EXTL3: variants seen among roughly 807,000 people sequenced by gnomAD.
The protein encoded by EXTL3 is exostosin like glycosyltransferase 3.
Under a neutral mutation model 69.3 loss-of-function variants are expected in EXTL3, and 27 were observed. The ratio of observed to expected loss-of-function variants is 0.39; its 90% CI spans 0.29 to 0.54. The LOEUF is 0.54. Ranked by LOEUF, EXTL3 falls within the 20% of genes least tolerant of loss-of-function variation. The pLI, the probability that EXTL3 is intolerant of heterozygous loss-of-function variation, is 0.69. For missense variants in EXTL3, 1,003 were observed against 1,231.8 expected (o/e 0.81, Z 2.78); for synonymous variants, 511 against 499.4 (o/e 1.02, Z -0.31).
At chr8:28,705,715 GTTAGA>G (rs1363575202) in intron 1 of EXTL3, among the ~76,000 whole-genome samples, 3 of 152,224 alleles carry the variant, frequency 2.0e-5, no homozygotes, top group Admixed American at 6.5e-5. Context: ...AGCGAAAACC[GTTAGA>G]TTAGTTTATA....
In EXTL3 at chr8:28,671,302, G is replaced by GT. The variant is rs1198284012; in HGVS notation, c.-52-42149dup. Among the ~76,000 whole-genome samples, 185 of 100,888 alleles carry GT rather than the reference G, an allele frequency of 1.8e-3. 1 individual carries two copies. Among genetic ancestry groups the GT allele is most frequent in the African/African-American group, 6.0e-3 (149 of 24,702 alleles). 66.2% of individuals were successfully genotyped at this position (100,888 alleles called of 152,430 possible). A position where few individuals can be genotyped will look rare whatever the true frequency, so the allele number is the denominator to read the frequency against. ...TGGCCTAATTTTATTTTTATGTTTT[G>GT]TTTTTTGTTTTTTTTTTTTTTTTTT... On this transcript the variant is annotated intron_variant, in intron 1 of 6. Coordinates refer to the EXTL3 transcript ENST00000523149.
chr8:28,672,284 G>A (rs921542037), intron 1 of EXTL3, among the ~76,000 whole-genome samples: 9 of 151,826 alleles, frequency 5.9e-5, no homozygotes, highest in African/African-American at 1.9e-4. Flanking sequence ...CGGGCATGGT[G>A]GTGGGCACCT....
intron 1 of EXTL3, among the ~76,000 whole-genome samples, chr8:28,630,449 G>A (rs183597383): frequency 6.6e-6 from 1 of 152,158 alleles, no homozygotes; most frequent in African/African-American, 2.4e-5. Flanking sequence ...GCTCCCAGGA[G>A]AGTTGAGTTG....
intron 1 of EXTL3, among the ~76,000 whole-genome samples, chr8:28,642,084 C>T (rs2130585633): frequency 6.6e-6 from 1 of 152,248 alleles, no homozygotes; most frequent in African/African-American, 2.4e-5. Context: ...ATCCGCCCGC[C>T]TCAGCCTCCC....
At chr8:28,674,585 C>T (rs1444139509) in intron 1 of EXTL3, among the ~76,000 whole-genome samples, 2 of 152,188 alleles carry the variant, frequency 1.3e-5, no homozygotes, top group Non-Finnish European at 2.9e-5. Flanking sequence ...AAGTCAAATG[C>T]AGAACCTCAT....
chr8:28,701,867 G>A (rs879291006), intron 1 of EXTL3, among the ~76,000 whole-genome samples: 128 of 152,214 alleles, frequency 8.4e-4, no homozygotes, highest in African/African-American at 3.1e-3. Context: ...GGGGCCCGGG[G>A]AGAGGCCGCC....
At chr8:28,713,928 T>C (rs1801085032) in intron 2 of EXTL3, among the ~76,000 whole-genome samples, 1 of 137,872 alleles carries the variant, frequency 7.3e-6, no homozygotes, top group Non-Finnish European at 1.5e-5. Context: ...TTTTTTGAGA[T>C]GGTATTTCAC....
chr8:28,672,817 C>T (rs558624451), intron 1 of EXTL3, among the ~76,000 whole-genome samples: 1 of 152,254 alleles, frequency 6.6e-6, no homozygotes, highest in East Asian at 1.9e-4. Context: ...GGCTGTGTCC[C>T]CATCCAAATC....
intron 1 of EXTL3, among the ~76,000 whole-genome samples, chr8:28,636,331 C>CAAAA (rs377313297): frequency 8.6e-6 from 1 of 115,938 alleles, no homozygotes; most frequent in Non-Finnish European, 1.8e-5. Context: ...GACTCCATCT[C>CAAAA]AAAAAAAAAA....
intron 1 of EXTL3, among the ~76,000 whole-genome samples, chr8:28,685,064 G>A (rs1423365695): frequency 7.2e-6 from 1 of 139,562 alleles, no homozygotes; most frequent in Non-Finnish European, 1.6e-5. Flanking sequence ...CGATTCTCCT[G>A]CCTCAGCCTC....
intron 1 of EXTL3, among the ~76,000 whole-genome samples, chr8:28,635,701 A>T (rs1243354121): frequency 2.1e-5 from 3 of 140,550 alleles, no homozygotes; most frequent in Admixed American, 7.1e-5. Context: ...ACATAGTGAG[A>T]CCCCCCCACA....
chr8:28,737,470 A>T (rs766825267), intron 4 of EXTL3, 49 bp from the exon 5 acceptor site: 3 of 1,609,524 alleles, frequency 1.9e-6, no homozygotes, highest in Non-Finnish European at 2.6e-6. Flanking sequence ...ACTTCTGATG[A>T]CCCTAGAGCT....
intron 1 of EXTL3, among the ~76,000 whole-genome samples, chr8:28,649,825 T>C (rs1422103021): frequency 2.0e-5 from 3 of 151,486 alleles, no homozygotes; most frequent in Non-Finnish European, 4.4e-5. Flanking sequence ...CATTATTCTA[T>C]GTTTTCTTTC....
chr8:28,705,022 T>C (rs1209870089), intron 1 of EXTL3, among the ~76,000 whole-genome samples: 2 of 152,344 alleles, frequency 1.3e-5, no homozygotes, highest in African/African-American at 4.8e-5. Context: ...AAATAGTTGA[T>C]GGGATCCCAA....
intron 1 of EXTL3, among the ~76,000 whole-genome samples, chr8:28,684,327 A>G (rs1248234242): frequency 2.0e-5 from 3 of 152,094 alleles, no homozygotes; most frequent in African/African-American, 4.8e-5. Context: ...TGGTAGTTCT[A>G]TTTTTAGTTT....
intron 1 of EXTL3, among the ~76,000 whole-genome samples, chr8:28,704,725 A>C (rs764365963): frequency 2.6e-5 from 4 of 151,738 alleles, no homozygotes; most frequent in Non-Finnish European, 4.4e-5. Context: ...GCTAGAGTGC[A>C]ATGGCATGAT....
intron 5 of EXTL3, chr8:28,742,853 G>A: frequency 1.9e-6 from 1 of 526,344 alleles, no homozygotes; most frequent in Non-Finnish European, 3.5e-6. Context: ...GAGATGATAT[G>A]ACATTCTGTT....
At chr8:28,701,141 T>A (rs1016386871), upstream of EXTL3, 1 of 152,246 alleles carries the variant, frequency 6.6e-6, no homozygotes, top group Non-Finnish European at 1.5e-5. Flanking sequence ...ATTTATGACT[T>A]GACTTTCCCG....
chr8:28,726,187 C>T (rs865853632), intron 3 of EXTL3, among the ~76,000 whole-genome samples: 7 of 152,140 alleles, frequency 4.6e-5, no homozygotes, highest in African/African-American at 1.4e-4. Flanking sequence ...ATCTCTTGAC[C>T]TTGTGATCCG....
Sources: allele counts gnomAD v4.1 joint callset (sites outside exome capture counted in the v4.1 genomes callset), GRCh38; gene constraint gnomAD v4.1.1; transcripts MANE v1.5; gene names NCBI Gene and HGNC (gene_info 2026-07-23, HGNC 2026-07-21).